HS6ST3: variants seen among roughly 807,000 people sequenced by gnomAD.
HS6ST3 encodes heparan-sulfate 6-O-sulfotransferase 3.
A neutral mutation model predicts 36.7 loss-of-function variants in HS6ST3; 12 were observed. That is an observed-to-expected ratio of 0.33 (90% CI 0.21 to 0.53). HS6ST3 has a LOEUF of 0.53. HS6ST3 is among the 20% of genes least tolerant of loss of function. The pLI, the probability that HS6ST3 is intolerant of heterozygous loss-of-function variation, is 0.95. For missense variants in HS6ST3, 584 were observed against 640.9 expected, an observed-to-expected ratio of 0.91 and a Z score of 0.96; for synonymous variants, 240 against 257.5, an observed-to-expected ratio of 0.93 and a Z score of 0.65.
intron 1 of HS6ST3, among the ~76,000 whole-genome samples, chr13:96,314,520 C>A (rs2054958541): frequency 6.6e-6 from 1 of 152,098 alleles, no homozygotes; most frequent in Admixed American, 6.6e-5. Context: ...CTCAGCATTG[C>A]CAGACTAATG....
chr13:96,496,658 C>A (rs2055978464), intron 1 of HS6ST3, among the ~76,000 whole-genome samples: 1 of 152,162 alleles, frequency 6.6e-6, no homozygotes, highest in Admixed American at 6.5e-5. Flanking sequence ...CTCAGACATT[C>A]CTACCCAGAA....
At chr13:96,510,742 C>A (rs567014182) in intron 1 of HS6ST3, among the ~76,000 whole-genome samples, 9 of 152,098 alleles carry the variant, frequency 5.9e-5, no homozygotes, top group African/African-American at 2.2e-4. Flanking sequence ...ATTATTAATT[C>A]TATTTTATTC....
intron 1 of HS6ST3, among the ~76,000 whole-genome samples, chr13:96,173,414 A>G (rs2054197515): frequency 6.6e-6 from 1 of 152,142 alleles, no homozygotes; most frequent in South Asian, 2.1e-4. Context: ...TAAGTGTGTG[A>G]ATTGATATGT....
chr13:96,781,763 CT>C (rs571242915), intron 1 of HS6ST3, among the ~76,000 whole-genome samples: 1 of 152,212 alleles, frequency 6.6e-6, no homozygotes, highest in East Asian at 1.9e-4. Flanking sequence ...AAACGTGAAC[CT>C]TTTTTTCATT....
intron 1 of HS6ST3, among the ~76,000 whole-genome samples, chr13:96,131,108 G>T (rs1489529717): frequency 6.6e-6 from 1 of 152,108 alleles, no homozygotes; most frequent in Non-Finnish European, 1.5e-5. Context: ...TCAGCTCACT[G>T]CCCTCAGCTT....
intron 1 of HS6ST3, among the ~76,000 whole-genome samples, chr13:96,300,896 A>G (rs2054878764): frequency 6.6e-6 from 1 of 152,212 alleles, no homozygotes; most frequent in Admixed American, 6.5e-5. Flanking sequence ...ATTTTGCGTA[A>G]CATCAAAAAA....
At chr13:96,557,380 A>G (rs916788646) in intron 1 of HS6ST3, among the ~76,000 whole-genome samples, 2 of 152,202 alleles carry the variant, frequency 1.3e-5, no homozygotes, top group African/African-American at 4.8e-5. Context: ...CTGATCGATG[A>G]GCTGAAGTGG....
chr13:96,838,409 A>T lies in HS6ST3; in HGVS notation c.*5211A>T, dbSNP rs1324373951. On this transcript the variant is annotated 3_prime_UTR_variant, in exon 2 of 2. Transcript: ENST00000376705. ...AAAGAGAAAGCTGGGTTGGACTTACACAAGAATACCCTGATCTGATCGCAG... is the reference window on the plus strand; with the variant it reads ...AAAGAGAAAGCTGGGTTGGACTTACTCAAGAATACCCTGATCTGATCGCAG... 1 of 152,234 alleles carries T rather than the reference A, an allele frequency of 6.6e-6. No individual in the cohort carries two copies. Among genetic ancestry groups the T allele is most frequent in the Non-Finnish European group, 1.5e-5 (1 of 68,066 alleles). 9.4% of individuals were successfully genotyped at this position (152,234 alleles called of 1,614,324 possible). A position where few individuals can be genotyped will look rare whatever the true frequency, so the allele number is the denominator to read the frequency against.
chr13:96,819,325 T>C (rs1185614611), intron 1 of HS6ST3, among the ~76,000 whole-genome samples: 2 of 152,172 alleles, frequency 1.3e-5, no homozygotes, highest in Non-Finnish European at 2.9e-5. Flanking sequence ...TCTGGAACAC[T>C]ACCTACTTAG....
At chr13:96,759,861 T>A (rs1359201159) in intron 1 of HS6ST3, among the ~76,000 whole-genome samples, 1 of 152,058 alleles carries the variant, frequency 6.6e-6, no homozygotes, top group African/African-American at 2.4e-5. Flanking sequence ...TCTATCCTAA[T>A]AATTGATTCT....
At chr13:96,118,009 A>G (rs1208253123) in intron 1 of HS6ST3, among the ~76,000 whole-genome samples, 2 of 152,030 alleles carry the variant, frequency 1.3e-5, no homozygotes, top group Non-Finnish European at 2.9e-5. Context: ...AGCTGGGATT[A>G]CAGGTGTGTA....
intron 1 of HS6ST3, among the ~76,000 whole-genome samples, chr13:96,736,006 G>T (rs571330342): frequency 3.9e-4 from 60 of 152,178 alleles, no homozygotes; most frequent in Admixed American, 1.5e-3. Flanking sequence ...TTATAAATAG[G>T]AGCTAAATGA....
intron 1 of HS6ST3, among the ~76,000 whole-genome samples, chr13:96,392,898 T>A (rs2055402904): frequency 1.3e-5 from 2 of 152,118 alleles, no homozygotes; most frequent in South Asian, 4.1e-4. Flanking sequence ...TCTGAAAGGA[T>A]CATGGGGTGA....
chr13:96,765,289 G>A (rs906246741), intron 1 of HS6ST3, among the ~76,000 whole-genome samples: 8 of 151,818 alleles, frequency 5.3e-5, no homozygotes, highest in South Asian at 2.1e-4. Context: ...AGCCAGGGTG[G>A]TCTCGATCTC....
intron 1 of HS6ST3, among the ~76,000 whole-genome samples, chr13:96,602,916 G>A (rs1007794657): frequency 6.6e-6 from 1 of 152,160 alleles, no homozygotes; most frequent in African/African-American, 2.4e-5. Context: ...TTGAAAGATG[G>A]ATGACATGTT....
intron 1 of HS6ST3, among the ~76,000 whole-genome samples, chr13:96,181,508 C>T (rs1369902053): frequency 2.0e-5 from 3 of 152,186 alleles, no homozygotes; most frequent in African/African-American, 7.2e-5. Flanking sequence ...CAGTGGCCAG[C>T]AGTTTCCTGG....
intron 1 of HS6ST3, among the ~76,000 whole-genome samples, chr13:96,711,527 A>C (rs953204642): frequency 1.3e-5 from 2 of 152,224 alleles, no homozygotes; most frequent in African/African-American, 2.4e-5. Context: ...ATTGTGATAC[A>C]ATGACCCACG....
rs35266831 is a variant in HS6ST3, at chr13:96,831,954, CAAAAAAAA to C, written c.708-517_708-510del. The stretch of plus-strand genomic sequence containing the variant: ...TGGGTGACAGAGCAAGACTCCCTCT[CAAAAAAAA>C]AAAAAAAAAAAAAAAAAACAGAGAT... On this transcript the variant is annotated intron_variant, in intron 1 of 1. Transcript: ENST00000376705. 4.2e-3 allele frequency among the ~76,000 whole-genome samples: 91 copies of C among 21,858 alleles called. 3 individuals are homozygous for C. The highest frequency in any genetic ancestry group is 0.016 in the African/African-American group (87 of 5,430). The allele number at this position is 21,858 out of a possible 152,430, so 14.3% of individuals were successfully genotyped here.
intron 1 of HS6ST3, among the ~76,000 whole-genome samples, chr13:96,716,262 A>G (rs1292150904): frequency 6.6e-6 from 1 of 152,186 alleles, no homozygotes; most frequent in East Asian, 1.9e-4. Context: ...TTTGTAAAGT[A>G]GAAATTAATC....
Sources: gnomAD v4.1 joint callset for allele counts (sites outside exome capture counted in the v4.1 genomes callset) on GRCh38, gnomAD v4.1.1 for gene constraint, MANE v1.5 for transcripts, NCBI Gene and HGNC (gene_info 2026-07-23, HGNC 2026-07-21) for gene names.